FAM83D: variants seen among roughly 807,000 people sequenced by gnomAD.
FAM83D encodes the protein scaffolding CK1 anchoring protein D.
In FAM83D, 26 loss-of-function variants were observed where a neutral mutation model predicts 25.4. The ratio of observed to expected loss-of-function variants is 1.02; its 90% confidence interval spans 0.75 to 1.42. The LOEUF (loss-of-function observed/expected upper bound fraction) is 1.42, where lower values mean the gene tolerates loss of function less well. FAM83D is among the 40% of genes most tolerant of loss of function. The pLI, the probability that FAM83D is intolerant of heterozygous loss-of-function variation, is 0.00. For synonymous variants in FAM83D, 310 were observed against 318.5 expected, an observed-to-expected ratio of 0.97 and a Z score of 0.28; for missense variants, 740 against 758.1, an observed-to-expected ratio of 0.98 and a Z score of 0.28.
chr20:38,952,285 C>G lies in FAM83D; in HGVS notation c.1523C>G (p.Pro508Arg), dbSNP rs1473906422. The G allele has an allele frequency of 6.2e-7, 1 of 1,614,126 alleles. No homozygotes were observed. Residue 508 changes from proline to arginine, a missense_variant, in exon 4 of 4, where the codon CCC (proline) becomes CGC (arginine). By Grantham distance (103) the Pro-to-Arg change is moderately radical. Around this residue, in one of 3 missense-constraint regions of FAM83D, gnomAD observed 375 missense variants for 403.2 expected, o/e 0.93. Coordinates refer to ENST00000619850, the MANE Select transcript of FAM83D (RefSeq NM_030919.3). ...ACTGACTTCCACAATCCTGGCTATCCCAAGTACCTGGGCACCCCCCACCTG... is the reference window on the plus strand; with the variant it reads ...ACTGACTTCCACAATCCTGGCTATCGCAAGTACCTGGGCACCCCCCACCTG... Reference protein sequence around the residue: ...RTTDFHNPGYPKYLGTPHLEL... With the variant: ...RTTDFHNPGYRKYLGTPHLEL...
chr20:38,945,206 A>G (rs2085721704), intron 2 of FAM83D, among the ~76,000 whole-genome samples: 2 of 152,156 alleles, frequency 1.3e-5, no homozygotes, highest in Non-Finnish European at 2.9e-5. Flanking sequence ...TCACAGAGGC[A>G]TATGCAACAT....
At chr20:38,937,828 T>C (rs1444319208) in intron 1 of FAM83D, among the ~76,000 whole-genome samples, 2 of 152,078 alleles carry the variant, frequency 1.3e-5, no homozygotes, top group Admixed American at 6.6e-5. Context: ...TGTGGTGGCG[T>C]GTGCCTGTAG....
intron 2 of FAM83D, 149 bp from the exon 3 acceptor site, chr20:38,947,727 T>C: frequency 1.2e-6 from 1 of 803,992 alleles, no homozygotes; most frequent in Non-Finnish European, 2.0e-6. Context: ...GTACCATGTA[T>C]ACTGTCACTA....
At chr20:38,943,038 T>A (rs111711154) in intron 2 of FAM83D, among the ~76,000 whole-genome samples, 1 of 151,718 alleles carries the variant, frequency 6.6e-6, no homozygotes, top group Non-Finnish European at 1.5e-5. Flanking sequence ...TTTTTTTTTT[T>A]TCCTGAGATA....
chr20:38,949,077 G>A (rs1601338185), intron 3 of FAM83D, among the ~76,000 whole-genome samples: 1 of 152,130 alleles, frequency 6.6e-6, no homozygotes, highest in East Asian at 1.9e-4. Flanking sequence ...TGAAATTGAT[G>A]ACGATGATAG....
chr20:38,932,155 G>C (rs995330084), intron 1 of FAM83D, among the ~76,000 whole-genome samples: 1 of 152,226 alleles, frequency 6.6e-6, no homozygotes, highest in African/African-American at 2.4e-5. Flanking sequence ...GGAGGTCAAG[G>C]CTGGAGGATT....
At chr20:38,946,184 T>G in intron 2 of FAM83D, among the ~76,000 whole-genome samples, 2 of 121,470 alleles carry the variant, frequency 1.6e-5, no homozygotes, top group African/African-American at 3.2e-5. Context: ...CACTCCAGAG[T>G]GAGACTCCAC....
chr20:38,942,095 T>C lies in FAM83D; in HGVS notation c.620T>C (p.Met207Thr), dbSNP rs1321397848. The change falls in exon 2 of 4, where the codon ATG (methionine) becomes ACG (threonine). Residue 207 changes from methionine (M) to threonine (T), a missense_variant. Physicochemically the swap from Met to Thr is moderately conservative, Grantham distance 81. Around this residue, in one of 3 missense-constraint regions of FAM83D, gnomAD observed 333 missense variants for 298.6 expected, o/e 1.12. Coordinates refer to ENST00000619850, the MANE Select transcript of FAM83D (RefSeq NM_030919.3). ...CTCTCTCAATTTCTGGATATGTGCA[T>C]GGATCTGAAAGTTCATCCTGAACAG... Reference protein sequence around the residue: ...ALLSQFLDMCMDLKVHPEQEK... With the variant: ...ALLSQFLDMCTDLKVHPEQEK... The C allele has an allele frequency of 1.2e-6, 2 of 1,614,124 alleles. No individual in the cohort carries two copies. Among genetic ancestry groups the C allele is most frequent in the East Asian group, 2.2e-5 (1 of 44,900 alleles).
Position 38,926,650 on chromosome 20 carries a change from C to T in FAM83D, c.208C>T (p.Arg70Cys). 6.5e-7 allele frequency: 1 copy of T among 1,536,272 alleles called. No individual in the cohort carries two copies. The highest frequency in any genetic ancestry group is 8.7e-7 in the Non-Finnish European group (1 of 1,146,804). ...LNPDEVHAIL[R>C]AAERPGEEGA... ...CCCCGATGAGGTGCACGCCATTCTG[C>T]GCGCGGCGGAGAGGCCGGGAGAGGA... is the stretch of plus-strand genomic sequence containing the variant. Residue 70 changes from arginine (R) to cysteine (C), a missense_variant, in exon 1 of 4, where the codon CGC becomes TGC. Physicochemically the swap from Arg to Cys is radical, Grantham distance 180 (BLOSUM62 -3). Transcript: ENST00000619850.
intron 1 of FAM83D, among the ~76,000 whole-genome samples, chr20:38,937,471 G>A (rs181922326): frequency 3.3e-5 from 5 of 152,306 alleles, no homozygotes; most frequent in East Asian, 1.9e-4. Flanking sequence ...GGACTCGGCC[G>A]GTTAGTGGAT....
chr20:38,928,140 A>C (rs768175976), intron 1 of FAM83D, among the ~76,000 whole-genome samples: 2 of 152,178 alleles, frequency 1.3e-5, no homozygotes, highest in Non-Finnish European at 2.9e-5. Flanking sequence ...TTGCTTGCTG[A>C]CTGGCAGTGC....
chr20:38,926,785 C>A lies in FAM83D; in HGVS notation c.343C>A (p.Leu115Ile). ...QSDLEPPLLE[L>I]GWPAFYQGAY... ...GGACCTGGAGCCACCGCTGTTGGAG[C>A]TTGGCTGGCCCGCCTTCTACCAGGG... The change falls in exon 1 of 4, where the codon CTT (leucine) becomes ATT (isoleucine). Residue 115 changes from leucine (L) to isoleucine (I), a missense_variant. Coordinates refer to ENST00000619850, the MANE Select transcript of FAM83D (RefSeq NM_030919.3). 6.5e-7 allele frequency: 1 copy of A among 1,547,252 alleles called. No individual in the cohort carries two copies. The highest frequency in any genetic ancestry group is 8.7e-7 in the Non-Finnish European group (1 of 1,152,486).
intron 1 of FAM83D, among the ~76,000 whole-genome samples, chr20:38,937,341 G>A (rs553461785): frequency 2.8e-4 from 41 of 146,858 alleles, no homozygotes; most frequent in African/African-American, 9.5e-4. Context: ...ATTGTCCTTC[G>A]CACATTATTG....
chr20:38,944,553 T>C (rs1313023529), intron 2 of FAM83D, among the ~76,000 whole-genome samples: 1 of 152,250 alleles, frequency 6.6e-6, no homozygotes, highest in Non-Finnish European at 1.5e-5. Flanking sequence ...ATTTATCTAC[T>C]AGACAGAAAT....
rs1246827813 is a variant in FAM83D at position 38,952,622 on chromosome 20, CCTGA to C, written c.*105_*108del. 4 of 1,322,124 alleles carry C rather than the reference CCTGA, an allele frequency of 3.0e-6. No homozygotes were observed. Among genetic ancestry groups the C allele is most frequent in the African/African-American group, 1.5e-5 (1 of 67,856 alleles). 81.9% of individuals were successfully genotyped at this position (1,322,124 alleles called of 1,614,324 possible). On this transcript the variant is annotated 3_prime_UTR_variant, in exon 4 of 4. Transcript: ENST00000619850. ...TATGTCCCTAATTGCCTTTCTTTTA[CCTGA>C]CTTTGTCACCTTTGTTGTCTTTGAA...
At chr20:38,937,508 G>A (rs754347361) in intron 1 of FAM83D, among the ~76,000 whole-genome samples, 8 of 152,202 alleles carry the variant, frequency 5.3e-5, no homozygotes, top group Non-Finnish European at 7.3e-5. Flanking sequence ...TCAGCTCAGT[G>A]AAGAGAGTGT....
intron 1 of FAM83D, among the ~76,000 whole-genome samples, chr20:38,938,896 C>T (rs538404757): frequency 6.6e-6 from 1 of 152,316 alleles, no homozygotes; most frequent in South Asian, 2.1e-4. Context: ...AGGAGGTGGG[C>T]CCAGATCTCT....
At chr20:38,927,018 C>A (rs2085638959) in intron 1 of FAM83D, 93 bp downstream of exon 1, 4 of 1,394,582 alleles carry the variant, frequency 2.9e-6, no homozygotes, top group South Asian at 1.6e-5. Flanking sequence ...GGGGCCACTA[C>A]CTCCTCTGCG....
Position 38,951,642 on chromosome 20 carries a change from T to G in FAM83D, c.880T>G (p.Ser294Ala), listed in dbSNP as rs767841864. ...GGAGTTCCGAATCCTGTATGCCCAG[T>G]CCAAGCCCATCAGCCCCAAACTCCT... ...DLEFRILYAQSKPISPKLLSH... is the reference protein window; with the variant it reads ...DLEFRILYAQAKPISPKLLSH... Residue 294 changes from serine (S) to alanine (A), a missense_variant, in exon 4 of 4, where the codon TCC becomes GCC. Physicochemically the swap from Ser to Ala is moderately conservative, Grantham distance 99. Coordinates refer to ENST00000619850, the MANE Select transcript of FAM83D (RefSeq NM_030919.3). 1 of 1,614,186 alleles carries G rather than the reference T, an allele frequency of 6.2e-7. No individual in the cohort carries two copies. Among genetic ancestry groups the G allele is most frequent in the South Asian group, 1.1e-5 (1 of 91,086 alleles).
Sources: allele counts gnomAD v4.1 joint callset (sites outside exome capture counted in the v4.1 genomes callset), GRCh38; gene constraint gnomAD v4.1.1; regional missense constraint gnomAD v4.1.1; transcripts MANE v1.5; gene names NCBI Gene and HGNC (gene_info 2026-07-23, HGNC 2026-07-21).